Variants in SETBP1 observed in about 807,000 individuals in gnomAD.
SETBP1 encodes the protein SET binding protein 1, also known as SET-binding protein.
A neutral mutation model predicts 101.0 loss-of-function variants in SETBP1; 9 were observed. That is an observed-to-expected ratio of 0.09 (90% CI 0.05 to 0.16). SETBP1 has a LOEUF of 0.16. SETBP1 is among the 10% of genes least tolerant of loss of function. The pLI is 1.00. For synonymous variants in SETBP1, 818 were observed against 788.5 expected, an observed-to-expected ratio of 1.04 and a Z score of -0.63; for missense variants, 1,858 against 2,033.8, an observed-to-expected ratio of 0.91 and a Z score of 1.66.
intron 1 of SETBP1, chr18:44,697,035 T>C (rs959088549): frequency 1.3e-5 from 2 of 152,288 alleles, no homozygotes; most frequent in Admixed American, 6.5e-5. Flanking sequence ...TTAACTTTTG[T>C]TGGACTGAAG....
chr18:45,042,677 G>T (rs2073532841), intron 5 of SETBP1, among the ~76,000 whole-genome samples: 1 of 152,102 alleles, frequency 6.6e-6, no homozygotes. Flanking sequence ...TGTGTTATAT[G>T]GGTCCCCCAA....
chr18:44,776,530 A>T (rs1218667551), intron 2 of SETBP1, among the ~76,000 whole-genome samples: 1 of 152,200 alleles, frequency 6.6e-6, no homozygotes. Context: ...CATGGTAAAT[A>T]TTTAAGCTCC....
chr18:44,687,880 C>T (rs1555667411), intron 1 of SETBP1, among the ~76,000 whole-genome samples: 1 of 152,120 alleles, frequency 6.6e-6, no homozygotes, highest in Non-Finnish European at 1.5e-5. Context: ...CCCCATAGCA[C>T]CTGGTCTGCC....
intron 2 of SETBP1, among the ~76,000 whole-genome samples, chr18:44,708,631 G>T (rs2069270367): frequency 6.6e-6 from 1 of 152,100 alleles, no homozygotes; most frequent in Non-Finnish European, 1.5e-5. Flanking sequence ...AAAGAACCTT[G>T]GCCTTGGAGA....
intron 2 of SETBP1, among the ~76,000 whole-genome samples, chr18:44,782,359 C>G (rs1326809590): frequency 6.6e-6 from 1 of 151,216 alleles, no homozygotes. Context: ...ACGTAGCCAA[C>G]ATGACTGGTT....
At chr18:45,006,335 T>C (rs747058971) in intron 4 of SETBP1, among the ~76,000 whole-genome samples, 7 of 152,186 alleles carry the variant, frequency 4.6e-5, no homozygotes, top group Non-Finnish European at 2.9e-5. Context: ...GCTTGTTCTT[T>C]AATTGTTCCT....
In SETBP1 at chr18:44,949,887, G is replaced by C. The variant is rs765534698; in HGVS notation, c.547G>C (p.Glu183Gln). Reference sequence around the variant, plus strand: ...CCACTCCACCCACCCTTAGGCTTACGAGAGGCCCCAGAAACATTCAACTCT... The same window carrying C: ...CCACTCCACCCACCCTTAGGCTTACCAGAGGCCCCAGAAACATTCAACTCT... The part of the protein sequence containing the change: ...DLKGFQPQAY[E>Q]RPQKHSTLHY... The change falls in exon 4 of 6, where the codon GAG becomes CAG. Residue 183 changes from glutamate (E) to glutamine (Q), a missense_variant. This residue lies in a region of SETBP1 where 581 missense variants were observed against 535.1 expected (regional missense o/e 1.09). Transcript: ENST00000649279. 7 of 1,612,796 alleles carry C rather than the reference G, an allele frequency of 4.3e-6. No homozygotes were observed. In the East Asian group the frequency reaches 1.6e-4, roughly 36 times the overall value.
intron 3 of SETBP1, among the ~76,000 whole-genome samples, chr18:44,926,342 G>T (rs1405846661): frequency 1.3e-5 from 2 of 152,154 alleles, no homozygotes; most frequent in Non-Finnish European, 2.9e-5. Context: ...GGAGAAAAAA[G>T]GCCTAATACA....
At chr18:45,045,572 A>C (rs1466098811) in intron 5 of SETBP1, among the ~76,000 whole-genome samples, 1 of 152,072 alleles carries the variant, frequency 6.6e-6, no homozygotes. Flanking sequence ...CTTGTTTCTA[A>C]GTTTTGGCTC....
At chr18:44,813,083 A>C (rs1156586724) in intron 2 of SETBP1, among the ~76,000 whole-genome samples, 1 of 152,176 alleles carries the variant, frequency 6.6e-6, no homozygotes. Context: ...TTAAAAAAAA[A>C]AAGAAAGAAA....
intron 3 of SETBP1, among the ~76,000 whole-genome samples, chr18:44,873,254 G>A (rs1262069574): frequency 6.6e-6 from 1 of 152,112 alleles, no homozygotes; most frequent in African/African-American, 2.4e-5. Flanking sequence ...GAAATGTTCT[G>A]CCACCAATAT....
chr18:45,014,814 CTTG>C (rs1275764552), intron 4 of SETBP1, among the ~76,000 whole-genome samples: 1 of 152,068 alleles, frequency 6.6e-6, no homozygotes, highest in East Asian at 1.9e-4. Context: ...AACAAATAGA[CTTG>C]TTGTATTAAA....
intron 2 of SETBP1, among the ~76,000 whole-genome samples, chr18:44,773,546 A>G (rs1389657669): frequency 6.6e-6 from 1 of 152,194 alleles, no homozygotes; most frequent in African/African-American, 2.4e-5. Flanking sequence ...ACATTTTTGC[A>G]ACGTCAATAG....
intron 2 of SETBP1, among the ~76,000 whole-genome samples, chr18:44,807,307 GTC>G (rs2071767202): frequency 6.6e-6 from 1 of 151,620 alleles, no homozygotes; most frequent in African/African-American, 2.4e-5. Context: ...CATCTTAAGA[GTC>G]TTTTTTTTTT....
rs757577572 is a variant in SETBP1 at position 44,953,273 on chromosome 18, A to G, written c.3933A>G (p.Glu1311=). ...RSYEGFGTYR[E]KDIQAFKMNR... ...ATGAAGGCTTTGGAACGTACAGGGA[A>G]AAGGACATCCAAGCCTTCAAGATGA... The change falls in exon 4 of 6, where the codon GAA becomes GAG. Residue 1311 remains glutamate, a synonymous_variant. Coordinates refer to ENST00000649279, the MANE Select transcript of SETBP1 (RefSeq NM_015559.3). 2 of 1,614,112 alleles carry G rather than the reference A, an allele frequency of 1.2e-6. No homozygotes were observed. The highest frequency in any genetic ancestry group is 1.7e-6 in the Non-Finnish European group (2 of 1,180,038).
intron 2 of SETBP1, among the ~76,000 whole-genome samples, chr18:44,792,765 A>G (rs2071395528): frequency 6.6e-6 from 1 of 152,176 alleles, no homozygotes; most frequent in Non-Finnish European, 1.5e-5. Context: ...CCAAAGGAGA[A>G]CAACCTGAAT....
intron 2 of SETBP1, among the ~76,000 whole-genome samples, chr18:44,849,332 G>A (rs2072798233): frequency 1.3e-5 from 2 of 152,228 alleles, no homozygotes; most frequent in South Asian, 2.1e-4. Context: ...GCACTGAACT[G>A]GGAGTTAGAG....
intron 5 of SETBP1, among the ~76,000 whole-genome samples, chr18:45,046,991 C>T (rs913183741): frequency 2.0e-5 from 3 of 152,190 alleles, no homozygotes; most frequent in Non-Finnish European, 4.4e-5. Context: ...GGTTTAATGA[C>T]AGGTTTGAAA....
chr18:44,755,516 A>C (rs1300721317), intron 2 of SETBP1, among the ~76,000 whole-genome samples: 1 of 151,700 alleles, frequency 6.6e-6, no homozygotes, highest in East Asian at 1.9e-4. Context: ...CTTAGACATC[A>C]AACTCCAGGT....
Sources: allele counts gnomAD v4.1 joint callset (sites outside exome capture counted in the v4.1 genomes callset), GRCh38; gene constraint gnomAD v4.1.1; regional missense constraint gnomAD v4.1.1; transcripts MANE v1.5; gene names NCBI Gene and HGNC (gene_info 2026-07-23, HGNC 2026-07-21).